The following MYO1A variants were observed in gnomAD, a reference collection of about 807,000 sequenced individuals.
The protein encoded by MYO1A is unconventional myosin-Ia.
In MYO1A, 127 loss-of-function variants were observed where a neutral mutation model predicts 138.5. That is an observed-to-expected ratio of 0.92 (90% CI 0.79 to 1.06). The LOEUF (loss-of-function observed/expected upper bound fraction) is 1.06. Among genes scored for constraint, MYO1A ranks in the 50% least tolerant of loss-of-function variants. The probability of loss-of-function intolerance (pLI) is 0.00; values close to 1 mark genes in which losing one functional copy is unlikely to be tolerated. For synonymous variants in MYO1A, 477 were observed against 497.5 expected, an observed-to-expected ratio of 0.96 and a Z score of 0.55; for missense variants, 1,211 against 1,288.8, an observed-to-expected ratio of 0.94 and a Z score of 0.92.
Position 57,030,409 on chromosome 12 carries a change from G to C in MYO1A, c.2485-93C>G, listed in dbSNP as rs1346439483. 3 of 1,059,628 alleles carry C rather than the reference G, an allele frequency of 2.8e-6. No individual in the cohort carries two copies. In the East Asian group the frequency reaches 7.2e-5, roughly 25 times the overall value. The allele number at this position is 1,059,628 out of a possible 1,614,324, so 65.6% of individuals were successfully genotyped here. A position where few individuals can be genotyped will look rare whatever the true frequency, so the allele number is the denominator to read the frequency against. On this transcript the variant is annotated intron_variant, in intron 23 of 27. Transcript: ENST00000300119. ...AAATATTGACTAGAAGACACTAGGA[G>C]AGGAGAGAGACTGAGGAAAAAGGAC...
intron 2 of MYO1A, 39 bp from the exon 3 acceptor site, chr12:57,048,143 G>A (rs1354020515): frequency 1.2e-6 from 2 of 1,602,700 alleles, no homozygotes; most frequent in Admixed American, 1.7e-5. Context: ...GAGCTTGAGG[G>A]TGAGGTGGGA....
chr12:57,043,510 G>A (rs2030956576), intron 10 of MYO1A, 152 bp from the exon 11 acceptor site: 9 of 789,458 alleles, frequency 1.1e-5, no homozygotes, highest in Admixed American at 2.0e-5. Flanking sequence ...GGCCCTGGAG[G>A]AATCTCAGGG....
chr12:57,030,185 T>C, intron 24 of MYO1A, 25 bp downstream of exon 24: 2 of 1,579,236 alleles, frequency 1.3e-6, no homozygotes, highest in South Asian at 1.1e-5. Flanking sequence ...TGGAACTGGC[T>C]GTGCAGGGTC....
chr12:57,029,551 C>T lies in MYO1A; in HGVS notation c.2761G>A (p.Val921Met), dbSNP rs984572306. ...GACTTCTTGGTGTCTGTGAGAATCA[C>T]ATGGCCCTTGGTCAGGAGGAGAATC... ...SRILLLTKGHVILTDTKKSQA... is the reference protein window; with the variant it reads ...SRILLLTKGHMILTDTKKSQA... Residue 921 changes from valine to methionine, a missense_variant, in exon 26 of 28, where the codon GTG (valine) becomes ATG (methionine). Transcript: ENST00000300119. The T allele has an allele frequency of 6.2e-6, 10 of 1,614,018 alleles. No homozygotes were observed. In the Admixed American group the frequency reaches 8.3e-5, roughly 13 times the overall value.
At chr12:57,043,383 T>A (rs751875642) in intron 10 of MYO1A, 25 bp from the exon 11 acceptor site, 4 of 1,606,180 alleles carry the variant, frequency 2.5e-6, no homozygotes, top group Non-Finnish European at 3.4e-6. Context: ...AAGTACAGCA[T>A]GTCCTTAGAG....
intron 1 of MYO1A, among the ~76,000 whole-genome samples, chr12:57,048,649 G>T (rs938169491): frequency 1.3e-5 from 2 of 152,162 alleles, no homozygotes; most frequent in East Asian, 1.9e-4. Context: ...GGCTACAACT[G>T]GGGGAGCAGA....
At position 57,048,331 on chromosome 12, in the gene MYO1A, G is replaced by A. The variant is rs543792479; in HGVS notation, c.-8C>T. On this transcript the variant is annotated 5_prime_UTR_variant, in exon 2 of 28. Coordinates refer to ENST00000300119, the MANE Select transcript of MYO1A (RefSeq NM_005379.4). ...ACCTTCCAGGAGAGGCATGTCCAGAGGGGCCACTGATCCTGGGAATAAGAG... is the reference window on the plus strand; with the variant it reads ...ACCTTCCAGGAGAGGCATGTCCAGAAGGGCCACTGATCCTGGGAATAAGAG... 6.3e-7 allele frequency: 1 copy of A among 1,599,996 alleles called. No homozygotes were observed. The highest frequency in any genetic ancestry group is 8.6e-7 in the Non-Finnish European group (1 of 1,167,164).
intron 14 of MYO1A, among the ~76,000 whole-genome samples, chr12:57,040,239 G>A (rs1181260530): frequency 6.6e-6 from 1 of 152,182 alleles, no homozygotes. Context: ...CTGTGTTGCT[G>A]TAAAAAAGCA....
rs922699155 is a variant in MYO1A, at chr12:57,028,901, C to T, written c.3006-20G>A. On this transcript the variant is annotated intron_variant, in intron 27 of 27. Transcript: ENST00000300119. ...GAGAACCTGGAGAGGGAACAGAAAA[C>T]CAAGTCTAGTGCCCATCCCCTCACC... 5 of 1,613,576 alleles carry T rather than the reference C, an allele frequency of 3.1e-6. No homozygotes were observed. The South Asian group carries it at 4.4e-5, about 14-fold the overall frequency.
Position 57,043,248 on chromosome 12 carries a change from C to T in MYO1A, c.1003G>A (p.Val335Ile), listed in dbSNP as rs187014442. The stretch of plus-strand genomic sequence containing the variant: ...TCCAGTGAGCTCCTTACCTGCATAA[C>T]ATTCAGTGCAGTGACCACCTTTTCC... ...AKEKVVTALN[V>I]MQAQYARDAL... is the part of the protein sequence containing the mutation. The change falls in exon 11 of 28, where the codon GTT becomes ATT. Residue 335 changes from valine (V) to isoleucine (I), a missense_variant. Physicochemically the swap from Val to Ile is conservative, Grantham distance 29. Coordinates refer to ENST00000300119, the MANE Select transcript of MYO1A (RefSeq NM_005379.4). The T allele has an allele frequency of 1.7e-5, 28 of 1,614,140 alleles. No individual in the cohort carries two copies. In the Admixed American group the frequency reaches 4.2e-4, roughly 24 times the overall value.
intron 17 of MYO1A, 115 bp downstream of exon 17, chr12:57,038,297 G>A: frequency 8.0e-7 from 1 of 1,251,826 alleles, no homozygotes; most frequent in Non-Finnish European, 1.1e-6. Context: ...TGTGAGGAAA[G>A]GACCTCTGAC....
At position 57,037,406 on chromosome 12, in the gene MYO1A, C is replaced by A. The variant is rs560234471; in HGVS notation, c.2055+142G>T. The A allele has an allele frequency of 5.7e-5, 50 of 871,332 alleles. No individual in the cohort carries two copies. The African/African-American group carries it at 7.2e-4, about 13-fold the overall frequency. 54.0% of individuals were successfully genotyped at this position (871,332 alleles called of 1,614,324 possible). The stretch of plus-strand genomic sequence containing the variant: ...CCCAAGAGTTCAATTCCCAGGGATA[C>A]GGTTCCTGCAGACAGGAAGCTTCCC... On this transcript the variant is annotated intron_variant, in intron 19 of 27. Coordinates refer to ENST00000300119, the MANE Select transcript of MYO1A (RefSeq NM_005379.4).
At chr12:57,037,721 GC>G (rs1304271123) in intron 18 of MYO1A, 80 bp from the exon 19 acceptor site, 70 of 1,519,806 alleles carry the variant, frequency 4.6e-5, no homozygotes, top group Non-Finnish European at 6.0e-5. Context: ...AATCCTTTCA[GC>G]CTCCAAGAAG....
At chr12:57,038,193 C>A in intron 17 of MYO1A, 124 bp from the exon 18 acceptor site, 5 of 1,221,316 alleles carry the variant, frequency 4.1e-6, no homozygotes, top group Non-Finnish European at 5.9e-6. Context: ...AGTAGACACA[C>A]TGGCCTCCCC....
In MYO1A at chr12:57,043,993, G is replaced by A. The variant is rs773312597; in HGVS notation, c.755C>T (p.Ala252Val). 1.2e-6 allele frequency: 2 copies of A among 1,614,104 alleles called. No homozygotes were observed. Among genetic ancestry groups the A allele is most frequent in the Non-Finnish European group, 1.7e-6 (2 of 1,179,996 alleles). Residue 252 changes from alanine to valine, a missense_variant, in exon 10 of 28, where the codon GCA (alanine) becomes GTA (valine). Ala to Val is a moderately conservative substitution (Grantham distance 64). Transcript: ENST00000300119. ...SSFRAVQSAM[A>V]VIGFSEEEIR... ...CTCCTCCTCCGAGAACCCAATCACT[G>A]CCATTGCACTCTTAGGCAGAAAGCA...
chr12:57,036,107 GCTAT>G (rs1236544152), intron 22 of MYO1A, among the ~76,000 whole-genome samples, 196 bp downstream of exon 22: 1 of 152,226 alleles, frequency 6.6e-6, no homozygotes, highest in Non-Finnish European at 1.5e-5. Context: ...ATGCCAAAAT[GCTAT>G]CTGATTCTGC....
chr12:57,037,086 GA>G lies in MYO1A; in HGVS notation c.2060del (p.Phe687SerfsTer9). The G allele has an allele frequency of 6.2e-7, 1 of 1,614,176 alleles. No individual in the cohort carries two copies. Among genetic ancestry groups the G allele is most frequent in the Non-Finnish European group, 8.5e-7 (1 of 1,180,024 alleles). On this transcript the variant is annotated frameshift_variant, in exon 20 of 28. Coordinates refer to ENST00000300119, the MANE Select transcript of MYO1A (RefSeq NM_005379.4). LOFTEE classifies it high-confidence loss of function. ...TCAGGCGCCTCTGTTCTTCGAGGTA[GA>G]AAAGCTGTGGAGAGGTGGAAGGGGG... The part of the protein sequence containing the change: ...KIFIRSPKTL[F>X]YLEEQRRLRL...
intron 22 of MYO1A, among the ~76,000 whole-genome samples, chr12:57,033,600 A>G (rs1174472865): frequency 6.6e-6 from 1 of 152,050 alleles, no homozygotes. Flanking sequence ...CTCAAGCAAT[A>G]TTCCCGCCTC....
At chr12:57,029,363 T>A (rs1427474676) in intron 26 of MYO1A, 72 bp downstream of exon 26, 1 of 1,613,250 alleles carries the variant, frequency 6.2e-7, no homozygotes, top group African/African-American at 1.3e-5. Flanking sequence ...CCCCATCACC[T>A]CCAGCCTGCC....
Sources: gnomAD v4.1 joint callset for allele counts (sites outside exome capture counted in the v4.1 genomes callset) on GRCh38, gnomAD v4.1.1 for gene constraint, MANE v1.5 for transcripts, NCBI Gene and HGNC (gene_info 2026-07-23, HGNC 2026-07-21) for gene names.